The following EDIL3 variants were observed in gnomAD, a reference collection of about 807,000 sequenced individuals.
EDIL3 encodes EGF-like repeat and discoidin I-like domain-containing protein 3.
A neutral mutation model predicts 67.4 loss-of-function variants in EDIL3; 37 were observed. That is an observed-to-expected ratio of 0.55 (90% CI 0.42 to 0.72). The LOEUF is 0.72. Among genes scored for constraint, EDIL3 ranks in the 30% least tolerant of loss-of-function variants. The probability of loss-of-function intolerance (pLI) is 0.00; values close to 1 mark genes in which losing one functional copy is unlikely to be tolerated. For missense variants in EDIL3, 527 were observed against 586.3 expected (o/e 0.90, Z 1.04); for synonymous variants, 195 against 196.3 (o/e 0.99, Z 0.05).
intron 1 of EDIL3, among the ~76,000 whole-genome samples, chr5:84,313,126 G>A (rs1246134136): frequency 6.6e-6 from 1 of 152,100 alleles, no homozygotes; most frequent in Non-Finnish European, 1.5e-5. Flanking sequence ...AATTAAGTAA[G>A]GGCAGATTCA....
rs114993589 is a variant in EDIL3, at chr5:84,016,549, C to G, written c.1137+43751G>C. Among the ~76,000 whole-genome samples the G allele has an allele frequency of 2.7e-3, 417 of 152,200 alleles. 2 individuals are homozygous for G. The highest frequency in any genetic ancestry group is 4.5e-3 in the Non-Finnish European group (303 of 68,024). ...CTCCAAAATAACAACTTTTTGAGTG[C>G]TGATATGATGTGGAAAATTCCACAC... is the stretch of plus-strand genomic sequence containing the variant. On this transcript the variant is annotated intron_variant, in intron 9 of 10. Coordinates refer to ENST00000296591, the MANE Select transcript of EDIL3 (RefSeq NM_005711.5).
chr5:84,359,748 G>A (rs200867281), intron 1 of EDIL3, among the ~76,000 whole-genome samples: 1 of 152,144 alleles, frequency 6.6e-6, no homozygotes, highest in African/African-American at 2.4e-5. Flanking sequence ...AAAGTAGAAA[G>A]ACTAACCATG....
chr5:84,029,628 C>T (rs1474629458), intron 9 of EDIL3, among the ~76,000 whole-genome samples: 5 of 152,050 alleles, frequency 3.3e-5, no homozygotes, highest in Admixed American at 6.6e-5. Context: ...CTAAGTTATA[C>T]GTTCACTTTG....
At chr5:84,363,113 T>C (rs1747648317) in intron 1 of EDIL3, among the ~76,000 whole-genome samples, 1 of 152,142 alleles carries the variant, frequency 6.6e-6, no homozygotes, top group Admixed American at 6.5e-5. Flanking sequence ...TGTATAAATA[T>C]ATATTTACAG....
chr5:84,203,521 A>G (rs113100270), intron 3 of EDIL3, among the ~76,000 whole-genome samples: 1,579 of 152,252 alleles, frequency 0.01, 33 homozygotes, highest in African/African-American at 0.036. Context: ...CACGTTCCTG[A>G]TGGGTCATAA....
chr5:84,191,915 A>C (rs1743594213), intron 3 of EDIL3, among the ~76,000 whole-genome samples: 1 of 152,054 alleles, frequency 6.6e-6, no homozygotes, highest in Admixed American at 6.6e-5. Context: ...AAACTAAATA[A>C]GAATTTTAAA....
At chr5:84,252,520 T>C (rs949594961) in intron 2 of EDIL3, among the ~76,000 whole-genome samples, 1 of 56,502 alleles carries the variant, frequency 1.8e-5, no homozygotes, top group African/African-American at 7.7e-5. Flanking sequence ...AAAAAAAAAT[T>C]CTGCTAAGAT....
rs1189590387 is a variant in EDIL3, at chr5:84,356,889, CTTTTT to C, written c.67+27414_67+27418del. Reference sequence around the variant, plus strand: ...GACCTTGAGAAAACAATCTTTCTTTCTTTTTTTTTTTTTTTTTTTTTTTTTTGGTC... The same window carrying C: ...GACCTTGAGAAAACAATCTTTCTTTCTTTTTTTTTTTTTTTTTTTTTGGTC... On this transcript the variant is annotated intron_variant, in intron 1 of 10. Transcript: ENST00000296591. Among the ~76,000 whole-genome samples, 19 of 32,100 alleles carry C rather than the reference CTTTTT, an allele frequency of 5.9e-4. No individual in the cohort carries two copies. The South Asian group carries it at 7.8e-3, about 13-fold the overall frequency. 21.1% of individuals were successfully genotyped at this position (32,100 alleles called of 152,430 possible). A position where few individuals can be genotyped will look rare whatever the true frequency, so the allele number is the denominator to read the frequency against.
chr5:84,187,862 C>T (rs1743497854), intron 3 of EDIL3, among the ~76,000 whole-genome samples: 1 of 151,886 alleles, frequency 6.6e-6, no homozygotes, highest in African/African-American at 2.4e-5. Flanking sequence ...CCTTTGTACT[C>T]CTCCTCCTTT....
At chr5:84,294,752 CTGAG>C (rs1330098689) in intron 1 of EDIL3, among the ~76,000 whole-genome samples, 8 of 152,130 alleles carry the variant, frequency 5.3e-5, no homozygotes, top group African/African-American at 1.9e-4. Flanking sequence ...TAAGAACTTA[CTGAG>C]TGTCAGGTGC....
At chr5:84,316,659 T>C (rs1746519207) in intron 1 of EDIL3, among the ~76,000 whole-genome samples, 1 of 152,100 alleles carries the variant, frequency 6.6e-6, no homozygotes, top group Admixed American at 6.5e-5. Context: ...ACAATAATAG[T>C]GGGAGACTTT....
chr5:84,089,693 T>C (rs1405937408), intron 6 of EDIL3, among the ~76,000 whole-genome samples: 1 of 152,186 alleles, frequency 6.6e-6, no homozygotes, highest in Non-Finnish European at 1.5e-5. Flanking sequence ...TTAGTCTAAA[T>C]GTGATGTATT....
At chr5:84,244,072 C>T (rs1186157445) in intron 2 of EDIL3, among the ~76,000 whole-genome samples, 2 of 152,042 alleles carry the variant, frequency 1.3e-5, no homozygotes, top group African/African-American at 2.4e-5. Flanking sequence ...ACTCCAGAAA[C>T]GATGACATCT....
chr5:84,343,311 A>T (rs1433389815), intron 1 of EDIL3, among the ~76,000 whole-genome samples: 1 of 151,912 alleles, frequency 6.6e-6, no homozygotes, highest in African/African-American at 2.4e-5. Context: ...CAGTACATTT[A>T]CAACTTTTTT....
At chr5:84,362,702 T>C (rs370494863) in intron 1 of EDIL3, among the ~76,000 whole-genome samples, 43 of 152,222 alleles carry the variant, frequency 2.8e-4, no homozygotes, top group South Asian at 1.2e-3. Flanking sequence ...CCCAAATCAA[T>C]TGACATAATT....
chr5:83,974,104 C>T (rs1470931119), intron 9 of EDIL3, among the ~76,000 whole-genome samples: 1 of 151,798 alleles, frequency 6.6e-6, no homozygotes, highest in African/African-American at 2.4e-5. Flanking sequence ...TTTCATCAGA[C>T]CATGTGAGCC....
intron 10 of EDIL3, among the ~76,000 whole-genome samples, chr5:83,956,872 TA>T (rs1387264497): frequency 6.6e-6 from 1 of 151,714 alleles, no homozygotes; most frequent in African/African-American, 2.4e-5. Flanking sequence ...ACACACAAGT[TA>T]AAAATATGCA....
intron 6 of EDIL3, among the ~76,000 whole-genome samples, chr5:84,096,051 G>C (rs562953906): frequency 1.1e-4 from 17 of 152,342 alleles, no homozygotes; most frequent in African/African-American, 4.1e-4. Flanking sequence ...CTAGATTTCA[G>C]AAGATGTATG....
intron 6 of EDIL3, among the ~76,000 whole-genome samples, chr5:84,074,445 C>G (rs1746811056): frequency 6.6e-6 from 1 of 152,156 alleles, no homozygotes; most frequent in Admixed American, 6.5e-5. Flanking sequence ...TCTCAACCTA[C>G]TCATCTGACA....
Sources: gnomAD v4.1 joint callset for allele counts (sites outside exome capture counted in the v4.1 genomes callset) on GRCh38, gnomAD v4.1.1 for gene constraint, MANE v1.5 for transcripts, NCBI Gene and HGNC (gene_info 2026-07-23, HGNC 2026-07-21) for gene names.